Variants in FAM174A observed in about 807,000 individuals in gnomAD.
FAM174A encodes family with sequence similarity 174 member A.
Under a neutral mutation model 14.3 loss-of-function variants are expected in FAM174A, and 14 were observed. That is an observed-to-expected ratio of 0.98 (90% CI 0.65 to 1.53). The LOEUF (loss-of-function observed/expected upper bound fraction) is 1.53, where lower values mean the gene tolerates loss of function less well. FAM174A is among the 40% of genes most tolerant of loss of function. The pLI is 0.00. For synonymous variants in FAM174A, 108 were observed against 111.4 expected, an observed-to-expected ratio of 0.97 and a Z score of 0.19; for missense variants, 241 against 249.6, an observed-to-expected ratio of 0.97 and a Z score of 0.23.
intron 2 of FAM174A, among the ~76,000 whole-genome samples, chr5:100,564,649 AAAAAG>A (rs1360715050): frequency 1.3e-5 from 2 of 151,846 alleles, no homozygotes; most frequent in Non-Finnish European, 2.9e-5. Context: ...AGACTAAGCA[AAAAAG>A]AAAAGGCTCA....
chr5:100,581,437 A>T (rs1035725714), intron 2 of FAM174A: 2 of 959,942 alleles, frequency 2.1e-6, no homozygotes, highest in South Asian at 4.8e-5. Context: ...TTATTTTTTT[A>T]AAGATATAAG....
intron 2 of FAM174A, among the ~76,000 whole-genome samples, chr5:100,579,994 A>T (rs1746980025): frequency 1.3e-5 from 2 of 152,204 alleles, no homozygotes; most frequent in South Asian, 4.1e-4. Flanking sequence ...ATAGTTTACT[A>T]TTCTCTTTTA....
At chr5:100,579,490 T>C (rs1746966730) in intron 2 of FAM174A, among the ~76,000 whole-genome samples, 1 of 152,082 alleles carries the variant, frequency 6.6e-6, no homozygotes, top group South Asian at 2.1e-4. Flanking sequence ...GATGGCACGA[T>C]CTCGTCTCGC....
At chr5:100,538,004 C>A (rs1745972175) in intron 1 of FAM174A, among the ~76,000 whole-genome samples, 1 of 152,094 alleles carries the variant, frequency 6.6e-6, no homozygotes, top group Non-Finnish European at 1.5e-5. Flanking sequence ...TATTGGATGA[C>A]TTGGTAACAT....
chr5:100,554,350 T>G (rs1746321023), intron 1 of FAM174A, among the ~76,000 whole-genome samples: 1 of 135,212 alleles, frequency 7.4e-6, no homozygotes, highest in South Asian at 2.6e-4. Flanking sequence ...GAGTCTTCAC[T>G]CTGTCGCCCA....
chr5:100,570,897 A>G (rs1302646207), intron 2 of FAM174A, among the ~76,000 whole-genome samples: 1 of 151,900 alleles, frequency 6.6e-6, no homozygotes. Context: ...TTTTATCATG[A>G]ATAGTGTTGA....
intron 1 of FAM174A, among the ~76,000 whole-genome samples, chr5:100,538,791 C>G (rs112373419): frequency 2.6e-5 from 4 of 151,364 alleles, no homozygotes; most frequent in East Asian, 2.0e-4. Flanking sequence ...CAAAGAACTG[C>G]GAAGATCTCA....
At chr5:100,580,454 C>T (rs1039116429) in intron 2 of FAM174A, among the ~76,000 whole-genome samples, 2 of 152,124 alleles carry the variant, frequency 1.3e-5, no homozygotes, top group East Asian at 1.9e-4. Context: ...AAAGCAGGTC[C>T]GAGTTCCAAA....
At chr5:100,553,795 G>A (rs1265966231) in intron 1 of FAM174A, among the ~76,000 whole-genome samples, 1 of 152,106 alleles carries the variant, frequency 6.6e-6, no homozygotes, top group Non-Finnish European at 1.5e-5. Context: ...AAATGTTTAG[G>A]CTATATACAG....
Position 100,586,631 on chromosome 5 carries a change from T to G in FAM174A, c.*447T>G, listed in dbSNP as rs2112410777. The G allele has an allele frequency of 6.6e-6, 1 of 152,360 alleles. No individual in the cohort carries two copies. The highest frequency in any genetic ancestry group is 3.4e-3 in the Middle Eastern group (1 of 296). 9.4% of individuals were successfully genotyped at this position (152,360 alleles called of 1,614,324 possible). A position where few individuals can be genotyped will look rare whatever the true frequency, so the allele number is the denominator to read the frequency against. ...TTTACTGAAAGGTATTTCCCATTTT[T>G]GTGGGGAAAAGAAGCCAAATTTATT... On this transcript the variant is annotated 3_prime_UTR_variant, in exon 3 of 3. Transcript: ENST00000312637.
At chr5:100,557,544 C>G (rs493373) in intron 1 of FAM174A, among the ~76,000 whole-genome samples, 2 of 151,894 alleles carry the variant, frequency 1.3e-5, no homozygotes, top group Admixed American at 1.3e-4. Flanking sequence ...TGGTAGAATT[C>G]GGCTGTGAAT....
intron 2 of FAM174A, 94 bp from the exon 3 acceptor site, chr5:100,586,087 C>A: frequency 1.7e-6 from 1 of 588,070 alleles, no homozygotes; most frequent in South Asian, 2.8e-5. Flanking sequence ...TTATTATATT[C>A]TTCCTTCCCC....
chr5:100,562,106 A>C lies in FAM174A; in HGVS notation c.487A>C (p.Ile163Leu). ...TRRYGVLDTN[I>L]ENMELTPLEQ... The stretch of plus-strand genomic sequence containing the variant: ...GAGATATGGAGTTTTGGACACTAAC[A>C]TAGAAAATATGGAATTGACACCTTT... Residue 163 changes from isoleucine (I) to leucine (L), a missense_variant, in exon 2 of 3, where the codon ATA (isoleucine) becomes CTA (leucine). Coordinates refer to ENST00000312637, the MANE Select transcript of FAM174A (RefSeq NM_198507.3). 6.3e-7 allele frequency: 1 copy of C among 1,589,532 alleles called. No individual in the cohort carries two copies. Among genetic ancestry groups the C allele is most frequent in the Non-Finnish European group, 8.6e-7 (1 of 1,169,108 alleles).
At chr5:100,548,715 T>C (rs551931971) in intron 1 of FAM174A, among the ~76,000 whole-genome samples, 9 of 152,272 alleles carry the variant, frequency 5.9e-5, no homozygotes, top group African/African-American at 2.2e-4. Context: ...AGGATTGTTA[T>C]GAGAATCAGA....
chr5:100,585,107 A>G (rs1399916368), intron 2 of FAM174A, among the ~76,000 whole-genome samples: 3 of 152,344 alleles, frequency 2.0e-5, no homozygotes, highest in Non-Finnish European at 1.5e-5. Flanking sequence ...TGGTATTTTA[A>G]ATAAATACCA....
At chr5:100,548,079 G>A (rs1456958709) in intron 1 of FAM174A, among the ~76,000 whole-genome samples, 1 of 151,988 alleles carries the variant, frequency 6.6e-6, no homozygotes, top group East Asian at 1.9e-4. Context: ...ATCTTTCCTG[G>A]AAACCCCACT....
intron 2 of FAM174A, among the ~76,000 whole-genome samples, chr5:100,585,243 T>C (rs1032756451): frequency 1.3e-5 from 2 of 152,210 alleles, no homozygotes; most frequent in African/African-American, 4.8e-5. Flanking sequence ...TTTACTTACA[T>C]ATCTCTCGAC....
At chr5:100,551,501 T>C (rs1746262219) in intron 1 of FAM174A, among the ~76,000 whole-genome samples, 1 of 152,174 alleles carries the variant, frequency 6.6e-6, no homozygotes, top group Non-Finnish European at 1.5e-5. Context: ...TCATCCTTCC[T>C]TTCCACTCTT....
intron 2 of FAM174A, among the ~76,000 whole-genome samples, chr5:100,580,280 A>G (rs916395835): frequency 5.9e-5 from 9 of 152,190 alleles, no homozygotes; most frequent in Non-Finnish European, 1.3e-4. Context: ...GTGTCTTATA[A>G]ACTCTGAAAT....
Sources: allele counts gnomAD v4.1 joint callset (sites outside exome capture counted in the v4.1 genomes callset), GRCh38; gene constraint gnomAD v4.1.1; transcripts MANE v1.5; gene names NCBI Gene and HGNC (gene_info 2026-07-23, HGNC 2026-07-21).